Variants in FAM149A observed in about 807,000 individuals in gnomAD.
FAM149A encodes the protein family with sequence similarity 149 member A.
FAM149A carries 71 observed loss-of-function variants against 78.2 expected under a neutral mutation model. That is an observed-to-expected ratio of 0.91 (90% CI 0.75 to 1.11). The LOEUF (loss-of-function observed/expected upper bound fraction) is 1.11, where lower values mean the gene tolerates loss of function less well. Ranked by LOEUF, FAM149A falls within the 50% of genes least tolerant of loss-of-function variation. FAM149A has a pLI of 0.00. For synonymous variants in FAM149A, 446 were observed against 410.5 expected (o/e 1.09, Z -1.04); for missense variants, 1,036 against 971.0 (o/e 1.07, Z -0.89).
At chr4:186,163,193 TG>T (rs1734750710) in intron 9 of FAM149A, among the ~76,000 whole-genome samples, 1 of 152,236 alleles carries the variant, frequency 6.6e-6, no homozygotes, top group Non-Finnish European at 1.5e-5. Flanking sequence ...CTTAATCTTG[TG>T]GGCTTGACTG....
chr4:186,167,106 C>T lies in FAM149A; in HGVS notation c.2139+10C>T, dbSNP rs777545636. The T allele has an allele frequency of 4.4e-5, 70 of 1,608,840 alleles. No homozygotes were observed. Among genetic ancestry groups the T allele is most frequent in the Non-Finnish European group, 5.9e-5 (69 of 1,176,000 alleles). On this transcript the variant is annotated intron_variant, in intron 12 of 13. Transcript: ENST00000389354. ...AACCCACACGTTCCGGGTGGGTTCT[C>T]TGTTTCCTGTAACTTTAATTTTGAA...
intron 9 of FAM149A, 131 bp from the exon 10 acceptor site, chr4:186,163,293 A>G (rs1734760009): frequency 1.5e-6 from 1 of 680,782 alleles, no homozygotes; most frequent in Non-Finnish European, 2.6e-6. Context: ...CTTTTCATTC[A>G]TTCAACCCGT....
rs1735664814 is a variant in FAM149A, at chr4:186,174,488, G to T, written c.*2501G>T. Among the ~76,000 whole-genome samples the T allele has an allele frequency of 9.0e-6, 1 of 111,434 alleles. No individual in the cohort carries two copies. Among genetic ancestry groups the T allele is most frequent in the Non-Finnish European group, 2.3e-5 (1 of 44,326 alleles). The allele number at this position is 111,434 out of a possible 152,430, so 73.1% of individuals were successfully genotyped here. ...CAGTCTAAACTAACATTAAGGTAGG[G>T]TATCCAAGATAAAATGTTTTTTCTT... On this transcript the variant is annotated 3_prime_UTR_variant, in exon 14 of 14. Coordinates refer to ENST00000389354, the MANE Select transcript of FAM149A (RefSeq NM_001367768.3).
chr4:186,156,123 C>T lies in FAM149A; in HGVS notation c.1353C>T (p.His451=), dbSNP rs1175472497. The stretch of plus-strand genomic sequence containing the variant: ...CCGTGGCAGCAGAAGTGTTTGATCA[C>T]GTCTGGACAAATATGGTAGAACTTT... The change falls in exon 7 of 14, where the codon CAC becomes CAT. Residue 451 remains histidine, a synonymous_variant. Coordinates refer to ENST00000389354, the MANE Select transcript of FAM149A (RefSeq NM_001367768.3). 6.2e-7 allele frequency: 1 copy of T among 1,613,892 alleles called. No individual in the cohort carries two copies. Among genetic ancestry groups the T allele is most frequent in the African/African-American group, 1.3e-5 (1 of 75,012 alleles).
At position 186,104,826 on chromosome 4, in the gene FAM149A, G is replaced by T. The variant is rs1252882551; in HGVS notation, c.-251G>T. On this transcript the variant is annotated 5_prime_UTR_variant, in exon 1 of 14. Transcript: ENST00000389354. ...GCTCCTGGCCCTTCGGCCCTCGGGGGTCTCACGGCGCTGGGACGAGGCGGG... is the reference window on the plus strand; with the variant it reads ...GCTCCTGGCCCTTCGGCCCTCGGGGTTCTCACGGCGCTGGGACGAGGCGGG... 6.7e-6 allele frequency: 3 copies of T among 445,324 alleles called. No homozygotes were observed. The highest frequency in any genetic ancestry group is 2.1e-5 in the African/African-American group (1 of 46,682). The allele number at this position is 445,324 out of a possible 1,614,324, so 27.6% of individuals were successfully genotyped here. A position where few individuals can be genotyped will look rare whatever the true frequency, so the allele number is the denominator to read the frequency against.
chr4:186,136,658 C>T (rs4862644), intron 1 of FAM149A, among the ~76,000 whole-genome samples: 83,133 of 151,944 alleles, frequency 0.55, 24,920 homozygotes, highest in African/African-American at 0.79. Context: ...ATTTTTCATC[C>T]TTTTTTGGAT....
intron 1 of FAM149A, among the ~76,000 whole-genome samples, chr4:186,141,719 C>T (rs1022885807): frequency 6.6e-6 from 1 of 152,134 alleles, no homozygotes; most frequent in African/African-American, 2.4e-5. Flanking sequence ...AAGATCAAAT[C>T]CTAGGCAGGG....
Position 186,173,433 on chromosome 4 carries a change from A to C in FAM149A, c.*1446A>C, listed in dbSNP as rs867030260. ...AGTGGCACGATCTCGGCTCACTACA[A>C]CCTCCACCTCCTGGGCTCAAGCGAT... On this transcript the variant is annotated 3_prime_UTR_variant, in exon 14 of 14. Transcript: ENST00000389354. Among the ~76,000 whole-genome samples the C allele has an allele frequency of 1.4e-4, 15 of 109,658 alleles. 4 individuals carry two copies. The highest frequency in any genetic ancestry group is 3.6e-4 in the Admixed American group (4 of 11,168). The allele number at this position is 109,658 out of a possible 152,430, so 71.9% of individuals were successfully genotyped here. A position where few individuals can be genotyped will look rare whatever the true frequency, so the allele number is the denominator to read the frequency against.
At chr4:186,158,306 C>G in intron 8 of FAM149A, 19 of 1,216,758 alleles carry the variant, frequency 1.6e-5, no homozygotes, top group Non-Finnish European at 2.0e-5. Context: ...TTGGCTAGCC[C>G]ACCTCCCATT....
At chr4:186,153,158 C>T in intron 4 of FAM149A, 1 of 632,176 alleles carries the variant, frequency 1.6e-6, no homozygotes, top group East Asian at 1.4e-4. Flanking sequence ...CACACTTATT[C>T]TTGTCACTGC....
chr4:186,154,383 AATTG>A, intron 5 of FAM149A, 81 bp from the exon 6 acceptor site: 3 of 1,156,150 alleles, frequency 2.6e-6, no homozygotes, highest in Non-Finnish European at 3.6e-6. Flanking sequence ...CTTTACAGAT[AATTG>A]AAAGATCCGC....
intron 1 of FAM149A, chr4:186,123,976 G>A: frequency 1.0e-6 from 1 of 985,156 alleles, no homozygotes; most frequent in African/African-American, 1.7e-5. Flanking sequence ...TAACTAGATA[G>A]CTAAAATTTT....
At position 186,126,865 on chromosome 4, in the gene FAM149A, C is replaced by T. The variant is rs1456285441; in HGVS notation, c.566+21223C>T. On this transcript the variant is annotated intron_variant, in intron 1 of 13. Transcript: ENST00000389354. ...ATTGGTTCTGTTTCTCTGGAGAACCCCAATACAGGGGGAGGAAGAGACACT... is the reference window on the plus strand; with the variant it reads ...ATTGGTTCTGTTTCTCTGGAGAACCTCAATACAGGGGGAGGAAGAGACACT... 5 of 984,576 alleles carry T rather than the reference C, an allele frequency of 5.1e-6. No individual in the cohort carries two copies. The South Asian group carries it at 1.9e-4, about 37-fold the overall frequency. The allele number at this position is 984,576 out of a possible 1,614,324, so 61.0% of individuals were successfully genotyped here.
chr4:186,153,561 A>G, intron 4 of FAM149A, 84 bp from the exon 5 acceptor site: 1 of 1,541,860 alleles, frequency 6.5e-7, no homozygotes, highest in Non-Finnish European at 8.8e-7. Flanking sequence ...TGCCTTCAAA[A>G]TCATTGTCTC....
chr4:186,149,602 T>C lies in FAM149A; in HGVS notation c.687T>C (p.His229=). 2 of 1,289,914 alleles carry C rather than the reference T, an allele frequency of 1.6e-6. No homozygotes were observed. The highest frequency in any genetic ancestry group is 1.2e-5 in the South Asian group (1 of 81,028). 79.9% of individuals were successfully genotyped at this position (1,289,914 alleles called of 1,614,324 possible). A position where few individuals can be genotyped will look rare whatever the true frequency, so the allele number is the denominator to read the frequency against. Residue 229 remains histidine (H), a synonymous_variant, in exon 3 of 14, where the codon CAT becomes CAC. Transcript: ENST00000389354. ...CATCCTTTTCCTCCAGCGGAAGCCA[T>C]ACACCCACGGGAGCCCACACCTCTT...
At chr4:186,110,156 A>G in intron 1 of FAM149A, 3 of 985,434 alleles carry the variant, frequency 3.0e-6, no homozygotes, top group South Asian at 4.7e-5. Flanking sequence ...GCAAATATTT[A>G]TTGAATGGAT....
At chr4:186,138,451 G>A (rs775917074) in intron 1 of FAM149A, among the ~76,000 whole-genome samples, 4 of 152,190 alleles carry the variant, frequency 2.6e-5, no homozygotes, top group East Asian at 1.9e-4. Context: ...CCCCCATGAT[G>A]GAGGGTCATC....
chr4:186,166,932 T>A (rs369691926), intron 11 of FAM149A, 36 bp from the exon 12 acceptor site: 3 of 1,591,154 alleles, frequency 1.9e-6, no homozygotes, highest in Non-Finnish European at 2.6e-6. Context: ...AAGGATTGCA[T>A]TTATTTTAAA....
intron 1 of FAM149A, among the ~76,000 whole-genome samples, chr4:186,136,964 T>TCTCTCTCTCTCTC (rs2099323207): frequency 6.6e-4 from 64 of 97,084 alleles, no homozygotes; most frequent in South Asian, 1.9e-3. Flanking sequence ...CTCTCTCTCT[T>TCTCTCTCTCTCTC]TCTCTCTCTC....
Sources: allele counts gnomAD v4.1 joint callset (sites outside exome capture counted in the v4.1 genomes callset), GRCh38; gene constraint gnomAD v4.1.1; transcripts MANE v1.5; gene names NCBI Gene and HGNC (gene_info 2026-07-23, HGNC 2026-07-21).